The following KIF7 variants were observed in gnomAD, a reference collection of about 807,000 sequenced individuals.
KIF7 encodes kinesin family member 7.
KIF7 carries 104 observed loss-of-function variants against 135.7 expected under a neutral mutation model. That is an observed-to-expected ratio of 0.77 (90% CI 0.65 to 0.90). The LOEUF (loss-of-function observed/expected upper bound fraction) is 0.90. Ranked by LOEUF, KIF7 falls within the 40% of genes least tolerant of loss-of-function variation. The pLI, the probability that KIF7 is intolerant of heterozygous loss-of-function variation, is 0.00. For synonymous variants in KIF7, 883 were observed against 809.4 expected (o/e 1.09, Z -1.54); for missense variants, 2,005 against 1,839.1 (o/e 1.09, Z -1.65).
rs79839906 is a variant in KIF7 at position 89,631,692 on chromosome 15, C to G, written c.2914G>C (p.Val972Leu). Residue 972 changes from valine (V) to leucine (L), a missense_variant, in exon 15 of 19, where the codon GTG becomes CTG. Val to Leu is a conservative substitution (Grantham distance 32, BLOSUM62 1). Transcript: ENST00000394412. ...TGCTCCAGCCGGCTGGACACTCGCACGATGTCCTCGTTGAGGGCCTGGGGG... is the reference window on the plus strand; with the variant it reads ...TGCTCCAGCCGGCTGGACACTCGCAGGATGTCCTCGTTGAGGGCCTGGGGG... ...RSSQALNEDI[V>L]RVSSRLEHLE... The G allele has an allele frequency of 2.6e-6, 4 of 1,554,470 alleles. No individual in the cohort carries two copies. Among genetic ancestry groups the G allele is most frequent in the Admixed American group, 3.8e-5 (2 of 52,140 alleles).
At chr15:89,626,036 T>G, downstream of KIF7, 1 of 1,613,942 alleles carries the variant, frequency 6.2e-7, no homozygotes, top group Non-Finnish European at 8.5e-7. Flanking sequence ...GGAAAACACC[T>G]TCCTCTCAGA....
downstream of KIF7, chr15:89,624,206 C>G: frequency 6.2e-7 from 1 of 1,614,198 alleles, no homozygotes; most frequent in Non-Finnish European, 8.5e-7. Flanking sequence ...GGGAATTCAA[C>G]TGTGACTTCT....
In KIF7 at chr15:89,632,987, C is replaced by T. The variant is rs1406527339; in HGVS notation, c.2728G>A (p.Glu910Lys). The change falls in exon 14 of 19, where the codon GAG becomes AAG. Residue 910 changes from glutamate (E) to lysine (K), a missense_variant. Physicochemically the swap from Glu to Lys is moderately conservative, Grantham distance 56. Transcript: ENST00000394412. The part of the protein sequence containing the change: ...VSLEQQQKIE[E>K]QKKWLDQEME... ...TCCTGGTCCAGCCACTTCTTCTGCT[C>T]CTCAATCTTCTAAGGAAAAGTAGGG... 6 of 1,107,192 alleles carry T rather than the reference C, an allele frequency of 5.4e-6. No homozygotes were observed. The highest frequency in any genetic ancestry group is 7.4e-6 in the Non-Finnish European group (6 of 806,928). The allele number at this position is 1,107,192 out of a possible 1,614,324, so 68.6% of individuals were successfully genotyped here. A position where few individuals can be genotyped will look rare whatever the true frequency, so the allele number is the denominator to read the frequency against.
At chr15:89,627,351 A>G, downstream of KIF7, 2 of 427,152 alleles carry the variant, frequency 4.7e-6, no homozygotes, top group South Asian at 9.0e-5. Context: ...AACCCAGACA[A>G]GGAATCCCAT....
At chr15:89,621,529 G>T (rs376343323) in intron 1 of KIF7, 6 of 1,613,024 alleles carry the variant, frequency 3.7e-6, no homozygotes, top group Middle Eastern at 3.3e-4. Flanking sequence ...CTTTGGATTC[G>T]GAGGTACCTG....
rs1334118917 is a variant in KIF7 at position 89,648,445 on chromosome 15, G to A, written c.1253C>T (p.Ala418Val). ...CAGCTCGCGCAAGAGGCTGTAGGCG[G>A]CGTCGGTGCAGGCCCGGTAGCGCGC... ...ECARYRACTD[A>V]AYSLLRELQA... is the part of the protein sequence containing the mutation. Residue 418 changes from alanine (A) to valine (V), a missense_variant, in exon 5 of 19, where the codon GCC (alanine) becomes GTC (valine). Transcript: ENST00000394412. 2.7e-6 allele frequency: 3 copies of A among 1,097,654 alleles called. No homozygotes were observed. In the African/African-American group the frequency reaches 5.1e-5, roughly 19 times the overall value. The allele number at this position is 1,097,654 out of a possible 1,614,324, so 68.0% of individuals were successfully genotyped here. A position where few individuals can be genotyped will look rare whatever the true frequency, so the allele number is the denominator to read the frequency against.
chr15:89,655,990 C>T (rs903589831), upstream of KIF7, among the ~76,000 whole-genome samples: 2 of 152,150 alleles, frequency 1.3e-5, no homozygotes, highest in African/African-American at 4.8e-5. Context: ...CCTCTGAGAC[C>T]TCTGATCCAT....
chr15:89,639,468 A>G (rs1240859418), intron 11 of KIF7, among the ~76,000 whole-genome samples: 3,750 of 110,212 alleles, frequency 0.034, no homozygotes, highest in African/African-American at 0.076. Flanking sequence ...AACCCCATCA[A>G]AAAGTGGGCA....
chr15:89,658,115 C>A (rs936712195), upstream of KIF7, among the ~76,000 whole-genome samples: 1 of 152,126 alleles, frequency 6.6e-6, no homozygotes, highest in Non-Finnish European at 1.5e-5. Flanking sequence ...AGCTGACATT[C>A]GAGAGAACTC....
chr15:89,641,359 A>G (rs778357881), intron 11 of KIF7, among the ~76,000 whole-genome samples: 7 of 152,166 alleles, frequency 4.6e-5, no homozygotes, highest in Non-Finnish European at 7.3e-5. Flanking sequence ...GGGAGAAACT[A>G]AACTTCTGCT....
Position 89,628,367 on chromosome 15 carries a change from C to G in KIF7, c.*52G>C. On this transcript the variant is annotated 3_prime_UTR_variant, in exon 19 of 19. Coordinates refer to ENST00000394412, the MANE Select transcript of KIF7 (RefSeq NM_198525.3). ...TCACAGAAGCAAAACAGGCAGCTGC[C>G]CCTTTCAGCAGGCTCGGAGTCTCCC... 2.6e-6 allele frequency: 4 copies of G among 1,550,040 alleles called. No homozygotes were observed. Among genetic ancestry groups the G allele is most frequent in the Non-Finnish European group, 3.5e-6 (4 of 1,150,656 alleles).
At chr15:89,625,243 C>A, downstream of KIF7, 1 of 1,613,682 alleles carries the variant, frequency 6.2e-7, no homozygotes, top group Non-Finnish European at 8.5e-7. Context: ...CTACATCTGC[C>A]AGGCCTGTAC....
intron 3 of KIF7, 150 bp from the exon 4 acceptor site, chr15:89,649,517 G>A (rs553191748): frequency 6.6e-6 from 7 of 1,053,736 alleles, no homozygotes; most frequent in African/African-American, 1.6e-5. Flanking sequence ...TCCTAGTTCC[G>A]GCTTGAGGGG....
chr15:89,646,695 A>G, intron 7 of KIF7, 135 bp downstream of exon 7: 1 of 819,334 alleles, frequency 1.2e-6, no homozygotes, highest in Non-Finnish European at 2.1e-6. Context: ...GACAGCTGAA[A>G]GCAGCCTCTC....
chr15:89,662,772 C>T, the KIF7 span, among the ~76,000 whole-genome samples: 1 of 152,192 alleles, frequency 6.6e-6, no homozygotes, highest in Non-Finnish European at 1.5e-5. Flanking sequence ...CCCATTGAGC[C>T]TAGAGCCAAG....
chr15:89,628,911 G>A (rs956200676), intron 18 of KIF7, 65 bp downstream of exon 18: 9 of 1,612,330 alleles, frequency 5.6e-6, no homozygotes, highest in Middle Eastern at 1.6e-4. Flanking sequence ...TCGAGGGAGA[G>A]TGGTCTCTAA....
Position 89,646,832 on chromosome 15 carries a change from C to T in KIF7, c.1786G>A (p.Glu596Lys). ...ACCCAGCCTCACCCTCTTCTCACCTCTCCCCTCTGCTCAGAGCCAACTTCA... is the reference window on the plus strand; with the variant it reads ...ACCCAGCCTCACCCTCTTCTCACCTTTCCCCTCTGCTCAGAGCCAACTTCA... The part of the protein sequence containing the change: ...GDEVGSEQRG[E>K]QVTNGREAGA... The change falls in exon 7 of 19, where the codon GAG becomes AAG. Residue 596 changes from glutamate (E) to lysine (K), a missense_variant and splice_region_variant. Physicochemically the swap from Glu to Lys is moderately conservative, Grantham distance 56 (BLOSUM62 1). Coordinates refer to ENST00000394412, the MANE Select transcript of KIF7 (RefSeq NM_198525.3). The T allele has an allele frequency of 6.2e-7, 1 of 1,613,886 alleles. No individual in the cohort carries two copies. The highest frequency in any genetic ancestry group is 8.5e-7 in the Non-Finnish European group (1 of 1,179,954).
intron 3 of KIF7, 91 bp from the exon 4 acceptor site, chr15:89,649,458 G>C (rs1964087407): frequency 2.2e-6 from 3 of 1,372,004 alleles, no homozygotes. Flanking sequence ...CCCCAAACCT[G>C]CCCTTCCTGA....
chr15:89,657,243 G>A (rs1964216275), upstream of KIF7, among the ~76,000 whole-genome samples: 1 of 150,934 alleles, frequency 6.6e-6, no homozygotes, highest in South Asian at 2.1e-4. Flanking sequence ...CCTGGGAGGT[G>A]GAGGTTGCAG....
Sources: gnomAD v4.1 joint callset for allele counts (sites outside exome capture counted in the v4.1 genomes callset) on GRCh38, gnomAD v4.1.1 for gene constraint, MANE v1.5 for transcripts, NCBI Gene and HGNC (gene_info 2026-07-23, HGNC 2026-07-21) for gene names.